Variants in RNF17 observed in about 807,000 individuals in gnomAD.
RNF17 encodes spermatogenesis associated 23.
A neutral mutation model predicts 200.5 loss-of-function variants in RNF17; 31 were observed. The ratio of observed to expected loss-of-function variants is 0.15; its 90% confidence interval spans 0.12 to 0.21. RNF17 has a LOEUF of 0.21. RNF17 is among the 10% of genes least tolerant of loss of function. The pLI, the probability that RNF17 is intolerant of heterozygous loss-of-function variation, is 1.00. For missense variants in RNF17, 1,628 were observed against 1,905.1 expected (o/e 0.85, Z 2.71); for synonymous variants, 606 against 637.8 (o/e 0.95, Z 0.75).
rs1355840144 is a variant in RNF17 at position 24,818,600 on chromosome 13, A to G, written c.2092-7019A>G. 2.6e-5 allele frequency among the ~76,000 whole-genome samples: 4 copies of G among 152,092 alleles called. No homozygotes were observed. The East Asian group carries it at 7.7e-4, about 29-fold the overall frequency. The stretch of plus-strand genomic sequence containing the variant: ...TAATTGCTTATAATTGTTATATCTT[A>G]CTGGTGAATTGGCCTTTTTATCAAT... On this transcript the variant is annotated intron_variant, in intron 15 of 35. Transcript: ENST00000255324.
At position 24,842,204 on chromosome 13, in the gene RNF17, T is replaced by C. The variant is rs199590989; in HGVS notation, c.2603+43T>C. ...CTTTCATTGTTAGTTCATGTTCTTA[T>C]GTAACATTGTAATCACAAGAAGGGA... On this transcript the variant is annotated intron_variant, in intron 19 of 35. Coordinates refer to ENST00000255324, the MANE Select transcript of RNF17 (RefSeq NM_031277.3). 9.9e-6 allele frequency: 15 copies of C among 1,510,256 alleles called. No homozygotes were observed. The East Asian group carries it at 3.2e-4, about 33-fold the overall frequency. 93.6% of individuals were successfully genotyped at this position (1,510,256 alleles called of 1,614,324 possible).
intron 18 of RNF17, among the ~76,000 whole-genome samples, chr13:24,836,940 G>GT (rs1890061832): frequency 6.6e-6 from 1 of 152,110 alleles, no homozygotes; most frequent in African/African-American, 2.4e-5. Context: ...CTCAGAATGG[G>GT]TAAGAACTCA....
intron 30 of RNF17, among the ~76,000 whole-genome samples, chr13:24,866,568 C>T (rs1893644962): frequency 6.6e-6 from 1 of 152,198 alleles, no homozygotes; most frequent in Non-Finnish European, 1.5e-5. Context: ...CTTAGCATAA[C>T]ATTTTCAAGG....
In RNF17 at chr13:24,789,749, G is replaced by C; in HGVS notation, c.912G>C (p.Lys304Asn). 1.3e-6 allele frequency: 2 copies of C among 1,598,664 alleles called. No homozygotes were observed. Among genetic ancestry groups the C allele is most frequent in the Non-Finnish European group, 1.7e-6 (2 of 1,166,634 alleles). ...EIICMFNNMG[K>N]IEFRDSTKCY... ...TCTGTATGTTCAACAATATGGGAAA[G>C]ATTGAATTTAGGGACTCAACAAAGT... The change falls in exon 9 of 36, where the codon AAG (lysine) becomes AAC (asparagine). Residue 304 changes from lysine to asparagine, a missense_variant. Transcript: ENST00000255324.
At position 24,831,093 on chromosome 13, in the gene RNF17, A is replaced by G. The variant is rs187287137; in HGVS notation, c.2361+494A>G. 7.7e-3 allele frequency among the ~76,000 whole-genome samples: 1,177 copies of G among 152,270 alleles called. 14 individuals carry two copies. The highest frequency in any genetic ancestry group is 9.7e-3 in the Non-Finnish European group (660 of 68,028). On this transcript the variant is annotated intron_variant, in intron 17 of 35. Transcript: ENST00000255324. ...TATACTGTTGTTTGAGTTGTTTTTA[A>G]GCCATGTTTTTCATTTTAGGAAGTG...
the RNF17 span, chr13:24,751,056 A>G: frequency 6.6e-6 from 1 of 152,154 alleles, no homozygotes; most frequent in African/African-American, 2.4e-5. Context: ...AAACTCCATG[A>G]GACAAGAAGT....
chr13:24,879,121 G>C, intron 34 of RNF17, 66 bp from the exon 35 acceptor site: 2 of 1,214,508 alleles, frequency 1.6e-6, no homozygotes, highest in South Asian at 2.5e-5. Flanking sequence ...TGAATGGCCA[G>C]ATATGAGAGG....
chr13:24,760,866 AG>A (rs1484411224), upstream of RNF17, among the ~76,000 whole-genome samples: 12 of 152,252 alleles, frequency 7.9e-5, no homozygotes, highest in Non-Finnish European at 1.0e-4. Flanking sequence ...GGTATATGAA[AG>A]CATGCTCAAT....
intron 6 of RNF17, among the ~76,000 whole-genome samples, chr13:24,782,605 T>TG (rs35537767): frequency 0.36 from 53,345 of 149,588 alleles, 10,843 homozygotes; most frequent in East Asian, 0.5. Flanking sequence ...GAGGCTGAGA[T>TG]GGGGGGGGGA....
In RNF17 at chr13:24,802,437, G is replaced by A; in HGVS notation, c.1815G>A (p.Lys605=). 1 of 1,613,918 alleles carries A rather than the reference G, an allele frequency of 6.2e-7. No individual in the cohort carries two copies. The highest frequency in any genetic ancestry group is 1.7e-5 in the Admixed American group (1 of 59,994). Residue 605 remains lysine (K), a synonymous_variant, in exon 14 of 36, where the codon AAG becomes AAA. Coordinates refer to ENST00000255324, the MANE Select transcript of RNF17 (RefSeq NM_031277.3). ...AATTTTTGAAAATGGTAAATAACAA[G>A]GCTGTTTCAATGAAAGTTTTTAGAG... ...KVEFLKMVNN[K]AVSMKVFREE...
At chr13:24,866,329 A>C in intron 30 of RNF17, 126 bp downstream of exon 30, 2 of 558,170 alleles carry the variant, frequency 3.6e-6, no homozygotes, top group Non-Finnish European at 6.4e-6. Flanking sequence ...TTACCTATTG[A>C]ATATACAGTT....
chr13:24,846,126 T>C (rs971339666), intron 22 of RNF17, among the ~76,000 whole-genome samples: 2 of 152,218 alleles, frequency 1.3e-5, no homozygotes, highest in African/African-American at 4.8e-5. Context: ...CCAAATTTGT[T>C]CTAATTGGTT....
chr13:24,863,594 G>A (rs1893325492), intron 28 of RNF17, among the ~76,000 whole-genome samples: 1 of 152,110 alleles, frequency 6.6e-6, no homozygotes, highest in Non-Finnish European at 1.5e-5. Context: ...ATTAAAGGAT[G>A]ATGATAGAGT....
chr13:24,830,368 TAA>T (rs1889253307), intron 16 of RNF17, 114 bp from the exon 17 acceptor site: 2 of 609,810 alleles, frequency 3.3e-6, no homozygotes, highest in East Asian at 2.8e-5. Flanking sequence ...TAAAAAGTAT[TAA>T]GTTTGTATAT....
chr13:24,883,873 C>T (rs950709426), downstream of RNF17: 3 of 1,467,958 alleles, frequency 2.0e-6, no homozygotes, highest in East Asian at 6.8e-5. Flanking sequence ...TGTCACATAT[C>T]ATCAGAAACG....
At chr13:24,775,016 A>G (rs1593220796) in intron 3 of RNF17, 112 bp downstream of exon 3, 2 of 674,504 alleles carry the variant, frequency 3.0e-6, no homozygotes, top group East Asian at 2.9e-5. Flanking sequence ...CCTACTGTTT[A>G]TGGAATGCTC....
chr13:24,792,825 T>G (rs1884040928), intron 9 of RNF17, among the ~76,000 whole-genome samples: 1 of 152,188 alleles, frequency 6.6e-6, no homozygotes, highest in Admixed American at 6.5e-5. Context: ...ATTTCTATAC[T>G]TGTAGATTTG....
intron 9 of RNF17, among the ~76,000 whole-genome samples, chr13:24,790,451 A>C (rs1883702258): frequency 6.6e-6 from 1 of 152,198 alleles, no homozygotes; most frequent in East Asian, 1.9e-4. Context: ...TAGCTATTTA[A>C]ATTTAAACAT....
At chr13:24,867,305 C>G (rs1309484364) in intron 30 of RNF17, among the ~76,000 whole-genome samples, 2 of 152,200 alleles carry the variant, frequency 1.3e-5, no homozygotes, top group Non-Finnish European at 2.9e-5. Flanking sequence ...GAACTAAAGG[C>G]ATGGACCACC....
Sources: allele counts gnomAD v4.1 joint callset (sites outside exome capture counted in the v4.1 genomes callset), GRCh38; gene constraint gnomAD v4.1.1; transcripts MANE v1.5; gene names NCBI Gene and HGNC (gene_info 2026-07-23, HGNC 2026-07-21).